The following CSNK2A1 variants were observed in gnomAD, a reference collection of about 807,000 sequenced individuals.
CSNK2A1 encodes casein kinase II subunit alpha.
Under a neutral mutation model 62.9 loss-of-function variants are expected in CSNK2A1, and 10 were observed. The observed-to-expected ratio is 0.16, with a 90% CI of 0.10 to 0.27. CSNK2A1 has a LOEUF of 0.27. Ranked by LOEUF, CSNK2A1 falls within the 10% of genes least tolerant of loss-of-function variation. The pLI is 1.00. For missense variants in CSNK2A1, 160 were observed against 492.0 expected, an observed-to-expected ratio of 0.33 and a Z score of 6.38; for synonymous variants, 124 against 167.8, an observed-to-expected ratio of 0.74 and a Z score of 2.02.
Position 472,769 on chromosome 20 carries a change from C to G in CSNK2A1, c.*11192G>C, listed in dbSNP as rs1429989178. On this transcript the variant is annotated 3_prime_UTR_variant, in exon 14 of 14. Transcript: ENST00000217244. ...ACTCCCCTGTTATCTGCCCTTTGCTCTCAGGCTTCAGATAAGAATTTGGCT... is the reference window on the plus strand; with the variant it reads ...ACTCCCCTGTTATCTGCCCTTTGCTGTCAGGCTTCAGATAAGAATTTGGCT... The G allele has an allele frequency of 6.6e-6, 1 of 152,240 alleles. No homozygotes were observed. The highest frequency in any genetic ancestry group is 1.5e-5 in the Non-Finnish European group (1 of 68,050). The allele number at this position is 152,240 out of a possible 1,614,324, so 9.4% of individuals were successfully genotyped here. A position where few individuals can be genotyped will look rare whatever the true frequency, so the allele number is the denominator to read the frequency against.
intron 8 of CSNK2A1, chr20:495,482 G>C (rs1279390597): frequency 6.8e-6 from 3 of 441,594 alleles, no homozygotes; most frequent in Non-Finnish European, 1.2e-5. Context: ...CACGTTTCCG[G>C]GCTTAGAAGA....
chr20:474,363 G>C lies in CSNK2A1; in HGVS notation c.*9598C>G, dbSNP rs2017807396. 1 of 152,090 alleles carries C rather than the reference G, an allele frequency of 6.6e-6. No homozygotes were observed. Among genetic ancestry groups the C allele is most frequent in the African/African-American group, 2.4e-5 (1 of 41,396 alleles). The allele number at this position is 152,090 out of a possible 1,614,324, so 9.4% of individuals were successfully genotyped here. Reference sequence around the variant, plus strand: ...GAATATTTATTTTTGAAAGATCTTTGGTTGCAGGTGTCAGATGAATCAGGA... The same window carrying C: ...GAATATTTATTTTTGAAAGATCTTTCGTTGCAGGTGTCAGATGAATCAGGA... On this transcript the variant is annotated 3_prime_UTR_variant, in exon 14 of 14. Transcript: ENST00000217244.
At chr20:507,791 T>C (rs896119377) in intron 3 of CSNK2A1, 10 of 152,210 alleles carry the variant, frequency 6.6e-5, no homozygotes, top group African/African-American at 2.4e-4. Flanking sequence ...AAGTATCACT[T>C]CTCACTGATC....
chr20:510,728 C>T (rs1393792574), intron 2 of CSNK2A1, among the ~76,000 whole-genome samples: 1 of 151,966 alleles, frequency 6.6e-6, no homozygotes, highest in Non-Finnish European at 1.5e-5. Context: ...TTGAAATCTT[C>T]TTATTTGAAA....
At chr20:520,253 A>C (rs1038181855) in intron 2 of CSNK2A1, among the ~76,000 whole-genome samples, 2 of 152,166 alleles carry the variant, frequency 1.3e-5, no homozygotes, top group Admixed American at 1.3e-4. Context: ...AAGAAATCCA[A>C]ATGAACCAGA....
At chr20:525,471 T>C (rs1001745499) in intron 2 of CSNK2A1, among the ~76,000 whole-genome samples, 6 of 150,372 alleles carry the variant, frequency 4.0e-5, no homozygotes, top group Non-Finnish European at 7.4e-5. Flanking sequence ...GCTAACATGG[T>C]GAAACCCCGT....
At position 482,536 on chromosome 20, in the gene CSNK2A1, T is replaced by TA. The variant is rs1218232113; in HGVS notation, c.*1424dup. On this transcript the variant is annotated 3_prime_UTR_variant, in exon 14 of 14. Transcript: ENST00000217244. ...GCTTTGGCTTGTGGTGCTTTTTTTT[T>TA]AAGGCCTCTCTGCTCTGCCCGGTAC... 6.6e-6 allele frequency: 1 copy of TA among 152,188 alleles called. No individual in the cohort carries two copies. Among genetic ancestry groups the TA allele is most frequent in the Non-Finnish European group, 1.5e-5 (1 of 68,060 alleles). 9.4% of individuals were successfully genotyped at this position (152,188 alleles called of 1,614,324 possible). A position where few individuals can be genotyped will look rare whatever the true frequency, so the allele number is the denominator to read the frequency against.
At position 536,758 on chromosome 20, in the gene CSNK2A1, G is replaced by A. The variant is rs531566860; in HGVS notation, c.-227+6914C>T. On this transcript the variant is annotated intron_variant, in intron 1 of 13. Transcript: ENST00000217244. ...CACCTCCAAAATCTACTAAGTTGTGGTATGATATGCCTGTTATCAGAAAAC... is the reference window on the plus strand; with the variant it reads ...CACCTCCAAAATCTACTAAGTTGTGATATGATATGCCTGTTATCAGAAAAC... 2.0e-5 allele frequency among the ~76,000 whole-genome samples: 3 copies of A among 152,246 alleles called. No homozygotes were observed. The South Asian group carries it at 6.2e-4, about 32-fold the overall frequency.
At chr20:543,130 C>G (rs2019488517) in intron 1 of CSNK2A1, 1 of 152,422 alleles carries the variant, frequency 6.6e-6, no homozygotes, top group African/African-American at 2.4e-5. Context: ...GGTCCCTTCC[C>G]CCTTTCGCCC....
At chr20:531,039 G>A (rs1032905652) in intron 1 of CSNK2A1, among the ~76,000 whole-genome samples, 2 of 152,048 alleles carry the variant, frequency 1.3e-5, no homozygotes, top group South Asian at 4.1e-4. Flanking sequence ...AGCTGAGATC[G>A]CGCCATTGCA....
intron 1 of CSNK2A1, among the ~76,000 whole-genome samples, chr20:541,277 A>C (rs565018860): frequency 1.3e-5 from 2 of 152,252 alleles, no homozygotes; most frequent in South Asian, 4.2e-4. Flanking sequence ...CCTTAATTAC[A>C]CCTGCCAAGT....
intron 1 of CSNK2A1, among the ~76,000 whole-genome samples, chr20:541,799 T>C (rs1252202956): frequency 6.6e-6 from 1 of 152,232 alleles, no homozygotes; most frequent in Non-Finnish European, 1.5e-5. Flanking sequence ...GTATAATCAG[T>C]TGATTAATCA....
At chr20:486,553 G>GC (rs1392718453) in intron 12 of CSNK2A1, 91 bp from the exon 13 acceptor site, 3 of 1,381,322 alleles carry the variant, frequency 2.2e-6, no homozygotes, top group African/African-American at 1.5e-5. Flanking sequence ...TTCATTCTTT[G>GC]CAATTTATAT....
rs1176548612 is a variant in CSNK2A1 at position 478,773 on chromosome 20, A to T, written c.*5188T>A. 1 of 308,344 alleles carries T rather than the reference A, an allele frequency of 3.2e-6. No homozygotes were observed. The highest frequency in any genetic ancestry group is 4.6e-5 in the Admixed American group (1 of 21,534). The allele number at this position is 308,344 out of a possible 1,614,324, so 19.1% of individuals were successfully genotyped here. A position where few individuals can be genotyped will look rare whatever the true frequency, so the allele number is the denominator to read the frequency against. On this transcript the variant is annotated 3_prime_UTR_variant, in exon 14 of 14. Transcript: ENST00000217244. Reference sequence around the variant, plus strand: ...CAAAACTTCATCTCTACCAAAAAAAAAAAAAAAAAAATTAGCCAAGCATGA... The same window carrying T: ...CAAAACTTCATCTCTACCAAAAAAATAAAAAAAAAAATTAGCCAAGCATGA...
rs369914612 is a variant in CSNK2A1 at position 487,597 on chromosome 20, T to C, written c.825-22A>G. ...GTGTCTGCAGGACCAAAAGAGGGCA[T>C]GAGAAATGGGCCACGTGGGCACAGA... On this transcript the variant is annotated intron_variant, in intron 11 of 13. Coordinates refer to ENST00000217244, the MANE Select transcript of CSNK2A1 (RefSeq NM_177559.3). The C allele has an allele frequency of 9.9e-6, 16 of 1,614,094 alleles. No homozygotes were observed. The African/African-American group carries it at 1.7e-4, about 17-fold the overall frequency.
intron 1 of CSNK2A1, among the ~76,000 whole-genome samples, chr20:532,330 A>ATTTT (rs138287291): frequency 8.2e-6 from 1 of 121,998 alleles, no homozygotes; most frequent in African/African-American, 3.3e-5. Context: ...TGCCCGGCTA[A>ATTTT]TTTTTTTTTT....
Position 481,801 on chromosome 20 carries a change from A to G in CSNK2A1, c.*2160T>C, listed in dbSNP as rs2017961425. ...CTCATTAGTTATAAGTGTCCTGTTC[A>G]AATCACAATCCAGTGCAAACATAAT... is the stretch of plus-strand genomic sequence containing the variant. On this transcript the variant is annotated 3_prime_UTR_variant, in exon 14 of 14. Transcript: ENST00000217244. The G allele has an allele frequency of 6.6e-6, 1 of 152,232 alleles. No homozygotes were observed. Among genetic ancestry groups the G allele is most frequent in the Non-Finnish European group, 1.5e-5 (1 of 68,044 alleles). 9.4% of individuals were successfully genotyped at this position (152,232 alleles called of 1,614,324 possible). A position where few individuals can be genotyped will look rare whatever the true frequency, so the allele number is the denominator to read the frequency against.
In CSNK2A1 at chr20:499,790, C is replaced by T. The variant is rs1349467243; in HGVS notation, c.315+43G>A. 2 of 1,587,270 alleles carry T rather than the reference C, an allele frequency of 1.3e-6. No individual in the cohort carries two copies. Among genetic ancestry groups the T allele is most frequent in the Non-Finnish European group, 1.7e-6 (2 of 1,158,236 alleles). On this transcript the variant is annotated intron_variant, in intron 5 of 13. Coordinates refer to ENST00000217244, the MANE Select transcript of CSNK2A1 (RefSeq NM_177559.3). This position sits in a 1 kb window ranked among gnomAD's most constrained non-coding sequence, Gnocchi z 4.2. ...GCCAGTTGTGCTCCAGGTCAAACAC[C>T]ATCTCAGCTCTGGCGGGCCTTGCTA...
chr20:514,909 C>G (rs117712191), intron 2 of CSNK2A1, among the ~76,000 whole-genome samples: 7 of 152,114 alleles, frequency 4.6e-5, no homozygotes, highest in African/African-American at 1.7e-4. Context: ...AAATAGATAA[C>G]CATCTACTAT....
Sources: allele counts gnomAD v4.1 joint callset (sites outside exome capture counted in the v4.1 genomes callset), GRCh38; gene constraint gnomAD v4.1.1; non-coding constraint Gnocchi (gnomAD v3.1); transcripts MANE v1.5; gene names NCBI Gene and HGNC (gene_info 2026-07-23, HGNC 2026-07-21).